Variants in KANK1 observed in about 807,000 individuals in gnomAD.
KANK1 encodes the protein KN motif and ankyrin repeat domains 1, also known as KN motif and ankyrin repeat domain-containing protein 1.
In KANK1, 109 loss-of-function variants were observed where a neutral mutation model predicts 106.2. The observed-to-expected ratio is 1.03, with a 90% CI of 0.88 to 1.20. The LOEUF (loss-of-function observed/expected upper bound fraction) is 1.20, where lower values mean the gene tolerates loss of function less well. Ranked by LOEUF, KANK1 falls within the 50% of genes most tolerant of loss-of-function variation. The probability of loss-of-function intolerance (pLI) is 0.00; values close to 1 mark genes in which losing one functional copy is unlikely to be tolerated. For synonymous variants in KANK1, 873 were observed against 652.2 expected (o/e 1.34, Z -5.16); for missense variants, 2,399 against 1,710.7 (o/e 1.40, Z -7.10).
chr9:640,045 C>A (rs1378268810), intron 1 of KANK1, among the ~76,000 whole-genome samples: 1 of 152,116 alleles, frequency 6.6e-6, no homozygotes, highest in Non-Finnish European at 1.5e-5. Context: ...ACATTGAGAA[C>A]CATAGCAGTC....
chr9:484,678 G>A lies in KANK1; in HGVS notation c.-362+11405G>A, dbSNP rs181845071. Among the ~76,000 whole-genome samples, 234 of 152,306 alleles carry A rather than the reference G, an allele frequency of 1.5e-3. 1 individual carries two copies. The highest frequency in any genetic ancestry group is 2.8e-3 in the Non-Finnish European group (188 of 68,008). Reference sequence around the variant, plus strand: ...CAAAAAGAAAAAAGGTAGATAATTTGTTCCTTGTCTGTTCTCAAGGATCAC... The same window carrying A: ...CAAAAAGAAAAAAGGTAGATAATTTATTCCTTGTCTGTTCTCAAGGATCAC... On this transcript the variant is annotated intron_variant, in intron 3 of 15. Transcript: ENST00000382303.
intron 1 of KANK1, among the ~76,000 whole-genome samples, chr9:607,463 C>T (rs1035008489): frequency 8.2e-5 from 10 of 122,310 alleles, no homozygotes; most frequent in African/African-American, 2.3e-4. Context: ...CCAGCCTGGG[C>T]GTTACAGCAA....
intron 1 of KANK1, among the ~76,000 whole-genome samples, chr9:562,325 T>G (rs889027297): frequency 6.6e-6 from 1 of 152,130 alleles, no homozygotes; most frequent in African/African-American, 2.4e-5. Context: ...GTGCTGGGAT[T>G]ACAGGCGTGA....
At chr9:668,240 T>A (rs4742208) in intron 1 of KANK1, among the ~76,000 whole-genome samples, 30,575 of 152,168 alleles carry the variant, frequency 0.2, 3,229 homozygotes, top group East Asian at 0.32. Flanking sequence ...ACCTATTTGG[T>A]CTGATGTGTA....
chr9:472,522 T>A (rs2058039767), intron 2 of KANK1, among the ~76,000 whole-genome samples: 1 of 152,130 alleles, frequency 6.6e-6, no homozygotes, highest in Non-Finnish European at 1.5e-5. Flanking sequence ...ATTTTCCCAC[T>A]CCTCCTCTTG....
chr9:573,925 A>T (rs114240868), intron 1 of KANK1, among the ~76,000 whole-genome samples: 224 of 152,332 alleles, frequency 1.5e-3, no homozygotes, highest in African/African-American at 5.3e-3. Context: ...AATTGCATTT[A>T]GCTTTAATTA....
chr9:529,254 CATAT>C (rs34448823), intron 1 of KANK1, among the ~76,000 whole-genome samples: 2 of 150,530 alleles, frequency 1.3e-5, no homozygotes, highest in Admixed American at 6.6e-5. Flanking sequence ...CACACACACA[CATAT>C]ACACACACAC....
At chr9:735,031 A>G (rs970679555) in intron 7 of KANK1, among the ~76,000 whole-genome samples, 196 bp downstream of exon 7, 4 of 152,178 alleles carry the variant, frequency 2.6e-5, no homozygotes, top group Admixed American at 1.3e-4. Context: ...TTGAGGCCCA[A>G]CTTCGGACAT....
chr9:740,863 G>T lies in KANK1; in HGVS notation c.3625G>T (p.Glu1209Ter), dbSNP rs1398815688. ...PIMLAALAAV[E>*]AEKDMRIVEE... Reference sequence around the variant, plus strand: ...CATGTTGGCGGCCCTCGCCGCTGTGGAAGCAGAGAAGGACATGCGGATTGT... The same window carrying T: ...CATGTTGGCGGCCCTCGCCGCTGTGTAAGCAGAGAAGGACATGCGGATTGT... The change falls in exon 9 of 12, where the codon GAA becomes TAA. Residue 1209 changes from glutamate to a stop codon, truncating the protein, a stop_gained. Transcript: ENST00000382297. LOFTEE classifies it high-confidence loss of function. 6.2e-7 allele frequency: 1 copy of T among 1,614,160 alleles called. No individual in the cohort carries two copies. Among genetic ancestry groups the T allele is most frequent in the Non-Finnish European group, 8.5e-7 (1 of 1,180,034 alleles).
chr9:732,541 G>C lies in KANK1; in HGVS notation c.3169G>C (p.Gly1057Arg). 6.2e-7 allele frequency: 1 copy of C among 1,614,148 alleles called. No individual in the cohort carries two copies. Among genetic ancestry groups the C allele is most frequent in the Non-Finnish European group, 8.5e-7 (1 of 1,180,030 alleles). ...AGGGCACCATGCAGTTAATATTGAAGGTTTGAAGTCTGCCAGGGTGGAAGA... is the reference window on the plus strand; with the variant it reads ...AGGGCACCATGCAGTTAATATTGAACGTTTGAAGTCTGCCAGGGTGGAAGA... ...AEGHHAVNIE[G>R]LKSARVEDEM... The change falls in exon 6 of 12, where the codon GGT (glycine) becomes CGT (arginine). Residue 1057 changes from glycine to arginine, a missense_variant. Transcript: ENST00000382297.
At chr9:616,580 C>T (rs1320927003) in intron 1 of KANK1, among the ~76,000 whole-genome samples, 1 of 152,202 alleles carries the variant, frequency 6.6e-6, no homozygotes, top group Non-Finnish European at 1.5e-5. Flanking sequence ...TATCCTCTAT[C>T]CTTCCATCCA....
chr9:531,543 C>T (rs2060055192), intron 1 of KANK1, among the ~76,000 whole-genome samples: 1 of 152,156 alleles, frequency 6.6e-6, no homozygotes. Context: ...AATTGCAAAG[C>T]AAAACTCAAT....
chr9:605,121 A>G (rs1449441063), intron 1 of KANK1, among the ~76,000 whole-genome samples: 3 of 151,472 alleles, frequency 2.0e-5, no homozygotes, highest in African/African-American at 4.9e-5. Context: ...GACCAACATG[A>G]TGAAACCTGT....
At chr9:693,962 T>C (rs1429504330) in intron 2 of KANK1, among the ~76,000 whole-genome samples, 3 of 152,210 alleles carry the variant, frequency 2.0e-5, no homozygotes, top group Non-Finnish European at 4.4e-5. Flanking sequence ...GCTTTACCTA[T>C]GGCTTTAACA....
At chr9:729,146 G>A (rs554704885) in intron 3 of KANK1, among the ~76,000 whole-genome samples, 10 of 152,156 alleles carry the variant, frequency 6.6e-5, no homozygotes, top group South Asian at 2.1e-4. Flanking sequence ...AAATTGCTTC[G>A]GTCAGTATAC....
At chr9:631,575 G>A (rs1304019625) in intron 1 of KANK1, among the ~76,000 whole-genome samples, 1 of 152,104 alleles carries the variant, frequency 6.6e-6, no homozygotes, top group Non-Finnish European at 1.5e-5. Context: ...GGCAAGGCAA[G>A]TCGTTTTCCT....
chr9:599,559 G>A (rs1459413913), intron 1 of KANK1, among the ~76,000 whole-genome samples: 1 of 151,652 alleles, frequency 6.6e-6, no homozygotes, highest in Non-Finnish European at 1.5e-5. Flanking sequence ...GTCTTTCTCT[G>A]CTAGTTTACT....
intron 1 of KANK1, among the ~76,000 whole-genome samples, chr9:509,290 G>A (rs568424070): frequency 1.3e-4 from 20 of 152,240 alleles, no homozygotes; most frequent in African/African-American, 4.3e-4. Flanking sequence ...TAGACACGGG[G>A]TTTCACCATG....
At chr9:577,851 A>G (rs751261534) in intron 1 of KANK1, among the ~76,000 whole-genome samples, 2 of 152,200 alleles carry the variant, frequency 1.3e-5, no homozygotes, top group African/African-American at 4.8e-5. Context: ...ACTTTTTATT[A>G]TAATTTTCTG....
Sources: gnomAD v4.1 joint callset for allele counts (sites outside exome capture counted in the v4.1 genomes callset) on GRCh38, gnomAD v4.1.1 for gene constraint, MANE v1.5 for transcripts, NCBI Gene and HGNC (gene_info 2026-07-23, HGNC 2026-07-21) for gene names.